The following PRLR variants were observed in gnomAD, a reference collection of about 807,000 sequenced individuals.
The protein encoded by PRLR is hPRL receptor.
In PRLR, 13 loss-of-function variants were observed where a neutral mutation model predicts 40.2. The ratio of observed to expected loss-of-function variants is 0.32; its 90% CI spans 0.21 to 0.51. The LOEUF is 0.51. Among genes scored for constraint, PRLR ranks in the 20% least tolerant of loss-of-function variants. The pLI is 0.97. For missense variants in PRLR, 656 were observed against 747.3 expected (o/e 0.88, Z 1.42); for synonymous variants, 269 against 278.7 (o/e 0.97, Z 0.35).
In PRLR at chr5:35,109,930, C is replaced by T. The variant is rs6861292; in HGVS notation, c.-44+8131G>A. Among the ~76,000 whole-genome samples the T allele has an allele frequency of 2.5e-3, 377 of 152,254 alleles. 1 individual carries two copies. The highest frequency in any genetic ancestry group is 3.4e-3 in the Admixed American group (52 of 15,294). On this transcript the variant is annotated intron_variant, in intron 2 of 9. Coordinates refer to ENST00000618457, the MANE Select transcript of PRLR (RefSeq NM_000949.7). ...GACACATGCACACATATGTTTATTG[C>T]GGCACTATTCACAATAGCAAAGGCT... is the stretch of plus-strand genomic sequence containing the variant.
intron 2 of PRLR, among the ~76,000 whole-genome samples, chr5:35,112,781 T>C (rs1772740608): frequency 6.6e-6 from 1 of 152,208 alleles, no homozygotes; most frequent in Non-Finnish European, 1.5e-5. Context: ...TCTGGGCTAT[T>C]TATCTAGCAA....
intron 6 of PRLR, among the ~76,000 whole-genome samples, chr5:35,070,841 C>CAAAAAAAAAA (rs34668616): frequency 2.9e-5 from 2 of 69,166 alleles, no homozygotes; most frequent in East Asian, 3.9e-4. Flanking sequence ...AACTCCGTCT[C>CAAAAAAAAAA]AAAAAAAAAA....
intron 1 of PRLR, among the ~76,000 whole-genome samples, chr5:35,201,760 G>A (rs1298099297): frequency 2.0e-5 from 3 of 152,060 alleles, no homozygotes; most frequent in Non-Finnish European, 4.4e-5. Flanking sequence ...TTAATAGGGT[G>A]AGGCTGCTTG....
At chr5:35,171,429 T>C (rs1371807494) in intron 1 of PRLR, among the ~76,000 whole-genome samples, 1 of 152,180 alleles carries the variant, frequency 6.6e-6, no homozygotes, top group African/African-American at 2.4e-5. Flanking sequence ...TGTGTTTTTT[T>C]ATTTGCAGTT....
At chr5:35,089,920 G>A (rs1176693711) in intron 2 of PRLR, among the ~76,000 whole-genome samples, 1 of 152,162 alleles carries the variant, frequency 6.6e-6, no homozygotes, top group East Asian at 1.9e-4. Context: ...CAGCAAGGCA[G>A]TCAGTTCCTT....
rs1017560825 is a variant in PRLR at position 35,062,458 on chromosome 5, A to C, written c.*2631T>G. Reference sequence around the variant, plus strand: ...CCACAAAAAAACTTTTTGTTAGACCACAAAAAAGCTTAATTCAGATAAACA... The same window carrying C: ...CCACAAAAAAACTTTTTGTTAGACCCCAAAAAAGCTTAATTCAGATAAACA... On this transcript the variant is annotated 3_prime_UTR_variant, in exon 10 of 10. Transcript: ENST00000618457. 6.6e-6 allele frequency: 1 copy of C among 152,244 alleles called. No homozygotes were observed. The highest frequency in any genetic ancestry group is 1.9e-4 in the East Asian group (1 of 5,194). 9.4% of individuals were successfully genotyped at this position (152,244 alleles called of 1,614,324 possible).
intron 1 of PRLR, among the ~76,000 whole-genome samples, chr5:35,197,420 G>A (rs1455933030): frequency 6.6e-6 from 1 of 152,202 alleles, no homozygotes; most frequent in African/African-American, 2.4e-5. Flanking sequence ...CAAGTGCGGG[G>A]TTCCCCCTGG....
chr5:35,089,487 G>T, intron 3 of PRLR, 64 bp downstream of exon 3: 2 of 1,121,806 alleles, frequency 1.8e-6, no homozygotes, highest in South Asian at 1.2e-5. Flanking sequence ...AGACTGCATG[G>T]ACTCTCCACC....
chr5:35,160,636 A>G (rs1402736839), intron 1 of PRLR, among the ~76,000 whole-genome samples: 5 of 152,222 alleles, frequency 3.3e-5, no homozygotes, highest in Admixed American at 6.5e-5. Flanking sequence ...TCCTGCAGAT[A>G]ACATCACTAT....
chr5:35,228,474 T>A (rs971283152), intron 1 of PRLR, among the ~76,000 whole-genome samples: 1 of 152,186 alleles, frequency 6.6e-6, no homozygotes, highest in Admixed American at 6.5e-5. Context: ...CAAAAGAATA[T>A]GGCTGCCTAC....
rs991754662 is a variant in PRLR, at chr5:35,062,120, C to T, written c.*2969G>A. 5.9e-5 allele frequency: 9 copies of T among 152,072 alleles called. No homozygotes were observed. The highest frequency in any genetic ancestry group is 2.2e-4 in the African/African-American group (9 of 41,400). 9.4% of individuals were successfully genotyped at this position (152,072 alleles called of 1,614,324 possible). ...CAACTGGAATGGACGGTTTAAAAAG[C>T]AAAGTATAAAGAGCACATCACTGAA... On this transcript the variant is annotated 3_prime_UTR_variant, in exon 10 of 10. Coordinates refer to ENST00000618457, the MANE Select transcript of PRLR (RefSeq NM_000949.7).
intron 5 of PRLR, chr5:35,081,309 C>G (rs113983456): frequency 0.089 from 15,902 of 179,060 alleles, 1,127 homozygotes; most frequent in African/African-American, 0.2. Context: ...GTGGGGCTTT[C>G]CAGAACATGA....
At chr5:35,080,119 A>T (rs1770404855) in intron 5 of PRLR, among the ~76,000 whole-genome samples, 1 of 152,216 alleles carries the variant, frequency 6.6e-6, no homozygotes. Context: ...CATTCAGGAC[A>T]TAGGCATGGG....
chr5:35,168,527 T>C (rs1420475529), intron 1 of PRLR, among the ~76,000 whole-genome samples: 2 of 151,944 alleles, frequency 1.3e-5, no homozygotes, highest in African/African-American at 4.8e-5. Flanking sequence ...AGAAACTGAA[T>C]TAGGAATCAA....
At chr5:35,136,407 A>G (rs1274275441) in intron 1 of PRLR, among the ~76,000 whole-genome samples, 2 of 152,184 alleles carry the variant, frequency 1.3e-5, no homozygotes, top group Admixed American at 6.5e-5. Flanking sequence ...TGTCCTGTGT[A>G]CTGTAGGGTG....
intron 6 of PRLR, among the ~76,000 whole-genome samples, chr5:35,071,401 G>A (rs1769737438): frequency 6.6e-6 from 1 of 152,058 alleles, no homozygotes; most frequent in African/African-American, 2.4e-5. Context: ...AACATTGGGA[G>A]GAATTAAACT....
At chr5:35,228,309 G>A (rs1208892246) in intron 1 of PRLR, among the ~76,000 whole-genome samples, 1 of 151,266 alleles carries the variant, frequency 6.6e-6, no homozygotes, top group African/African-American at 2.4e-5. Flanking sequence ...AAACTCAGAG[G>A]CTTGCTCAGT....
intron 7 of PRLR, among the ~76,000 whole-genome samples, chr5:35,069,660 T>C (rs1194370286): frequency 1.3e-5 from 2 of 152,244 alleles, no homozygotes; most frequent in African/African-American, 2.4e-5. Flanking sequence ...TGTTCCCTTA[T>C]AGAACACAAG....
In PRLR at chr5:35,066,508, G is replaced by C. The variant is rs545388472; in HGVS notation, c.856-406C>G. On this transcript the variant is annotated intron_variant, in intron 9 of 9. Transcript: ENST00000618457. ...CTTCCTCTATCACTTTCTAGAGTCT[G>C]GCAATAGTAAGTGGATTCTTGTCTT... Among the ~76,000 whole-genome samples, 7 of 152,152 alleles carry C rather than the reference G, an allele frequency of 4.6e-5. No individual in the cohort carries two copies. In the East Asian group the frequency reaches 1.4e-3, roughly 29 times the overall value.
Sources: allele counts gnomAD v4.1 joint callset (sites outside exome capture counted in the v4.1 genomes callset), GRCh38; gene constraint gnomAD v4.1.1; transcripts MANE v1.5; gene names NCBI Gene and HGNC (gene_info 2026-07-23, HGNC 2026-07-21).